ELP2: variants seen among roughly 807,000 people sequenced by gnomAD.
ELP2 encodes elongator acetyltransferase complex subunit 2.
Under a neutral mutation model 119.2 loss-of-function variants are expected in ELP2, and 90 were observed. That is an observed-to-expected ratio of 0.75 (90% CI 0.64 to 0.90). The LOEUF is 0.90. Among genes scored for constraint, ELP2 ranks in the 40% least tolerant of loss-of-function variants. ELP2 has a pLI of 0.00. For synonymous variants in ELP2, 339 were observed against 331.0 expected (o/e 1.02, Z -0.26); for missense variants, 921 against 967.8 (o/e 0.95, Z 0.64).
intron 11 of ELP2, among the ~76,000 whole-genome samples, chr18:36,151,393 G>C (rs985641932): frequency 6.6e-6 from 1 of 152,092 alleles, no homozygotes; most frequent in African/African-American, 2.4e-5. Context: ...CTGCCTTCCA[G>C]CTTTTACCAT....
intron 11 of ELP2, among the ~76,000 whole-genome samples, chr18:36,150,572 G>A (rs1224856323): frequency 6.6e-6 from 1 of 152,184 alleles, no homozygotes. Flanking sequence ...TTGTTGCTGG[G>A]AGCTACTCAG....
intron 11 of ELP2, among the ~76,000 whole-genome samples, chr18:36,147,025 C>T (rs1448423686): frequency 6.6e-6 from 1 of 151,698 alleles, no homozygotes; most frequent in African/African-American, 2.4e-5. Context: ...AGCTATGTGT[C>T]CTTGAGGACA....
At position 36,164,932 on chromosome 18, in the gene ELP2, A is replaced by G. The variant is rs1598822727; in HGVS notation, c.1954+265A>G. 2.2e-5 allele frequency: 10 copies of G among 462,030 alleles called. No individual in the cohort carries two copies. In the East Asian group the frequency reaches 4.2e-4, roughly 19 times the overall value. The allele number at this position is 462,030 out of a possible 1,614,324, so 28.6% of individuals were successfully genotyped here. On this transcript the variant is annotated intron_variant, in intron 18 of 21. Transcript: ENST00000358232. ...CAGATATCTCAGTTCAAGAAACATA[A>G]ACATCTGTATGTAGGAAGTTAGGTT... is the stretch of plus-strand genomic sequence containing the variant.
chr18:36,152,271 A>G (rs1436311217), intron 11 of ELP2, among the ~76,000 whole-genome samples: 1 of 151,716 alleles, frequency 6.6e-6, no homozygotes, highest in Non-Finnish European at 1.5e-5. Context: ...CTTAATAACC[A>G]TCTAAAGATT....
intron 21 of ELP2, among the ~76,000 whole-genome samples, chr18:36,173,075 CA>C (rs1401114110): frequency 5.9e-5 from 9 of 151,896 alleles, no homozygotes; most frequent in Non-Finnish European, 5.9e-5. Flanking sequence ...AGGACATTAC[CA>C]AAAAAAGAAA....
chr18:36,164,581 C>T lies in ELP2; in HGVS notation c.1868C>T (p.Ser623Leu). Residue 623 changes from serine to leucine, a missense_variant, in exon 18 of 22, where the codon TCA becomes TTA. Ser to Leu is a moderately radical substitution (Grantham distance 145). Coordinates refer to ENST00000358232, the MANE Select transcript of ELP2 (RefSeq NM_018255.4). ...HSLTVTQMAF[S>L]PNEKFLLAVS... The stretch of plus-strand genomic sequence containing the variant: ...TTGACAGTCACGCAGATGGCCTTCT[C>T]ACCTAATGAGAAGTTCTTACTAGCT... The T allele has an allele frequency of 6.2e-7, 1 of 1,614,084 alleles. No individual in the cohort carries two copies.
At chr18:36,135,876 A>T (rs2089805346) in intron 2 of ELP2, among the ~76,000 whole-genome samples, 3 of 152,210 alleles carry the variant, frequency 2.0e-5, no homozygotes, top group Non-Finnish European at 4.4e-5. Context: ...TTGATATCCA[A>T]ATGTTGAGTG....
intron 5 of ELP2, among the ~76,000 whole-genome samples, chr18:36,140,149 T>G (rs1363737063): frequency 6.6e-6 from 1 of 151,846 alleles, no homozygotes; most frequent in Non-Finnish European, 1.5e-5. Context: ...TGGATCCCCT[T>G]GCGTAGCTTT....
Position 36,145,020 on chromosome 18 carries a change from C to A in ELP2, c.878C>A (p.Pro293His), listed in dbSNP as rs1370410808. The A allele has an allele frequency of 1.9e-6, 3 of 1,613,594 alleles. No individual in the cohort carries two copies. The Admixed American group carries it at 5.0e-5, about 27-fold the overall frequency. The change falls in exon 9 of 22, where the codon CCT (proline) becomes CAT (histidine). Residue 293 changes from proline (P) to histidine (H), a missense_variant. Transcript: ENST00000358232. ...TGGGTAAATGCAGTTCACTGGCAAC[C>A]TGTGTTTTACAAAGGTAGGAAGAAA... ...ENWVNAVHWQPVFYKDGVLQQ... is the reference protein window; with the variant it reads ...ENWVNAVHWQHVFYKDGVLQQ...
At chr18:36,140,461 T>C (rs2089981279) in intron 5 of ELP2, among the ~76,000 whole-genome samples, 1 of 152,036 alleles carries the variant, frequency 6.6e-6, no homozygotes, top group Non-Finnish European at 1.5e-5. Flanking sequence ...ATTTTCCTGC[T>C]TCAGCCTCCT....
intron 13 of ELP2, among the ~76,000 whole-genome samples, chr18:36,158,027 A>ACGAGCAAGTGTTGGGATAGCAAG (rs1373939986): frequency 6.6e-6 from 1 of 152,168 alleles, no homozygotes. Flanking sequence ...TTGCTCCCAT[A>ACGAGCAAGTGTTGGGATAGCAAG]CTAAGTGTTG....
chr18:36,166,331 T>TG (rs1255997780), intron 18 of ELP2, among the ~76,000 whole-genome samples: 28 of 119,032 alleles, frequency 2.4e-4, no homozygotes, highest in Non-Finnish European at 4.7e-4. Flanking sequence ...TTTTTTTTTT[T>TG]TTTTTTTTTT....
At position 36,174,611 on chromosome 18, in the gene ELP2, G is replaced by T. The variant is rs998417771; in HGVS notation, c.2451G>T (p.Lys817Asn). The T allele has an allele frequency of 6.2e-7, 1 of 1,614,126 alleles. No homozygotes were observed. Among genetic ancestry groups the T allele is most frequent in the East Asian group, 2.2e-5 (1 of 44,872 alleles). ...FASCGEDHTV[K>N]IHRVNKCAL ...GCTGTGGTGAAGATCACACTGTGAA[G>T]ATACACAGAGTCAATAAATGTGCAC... is the stretch of plus-strand genomic sequence containing the variant. Residue 817 changes from lysine (K) to asparagine (N), a missense_variant, in exon 22 of 22, where the codon AAG becomes AAT. Coordinates refer to ENST00000358232, the MANE Select transcript of ELP2 (RefSeq NM_018255.4).
chr18:36,172,886 C>T (rs1031661843), intron 21 of ELP2, among the ~76,000 whole-genome samples: 4 of 152,162 alleles, frequency 2.6e-5, no homozygotes, highest in African/African-American at 9.7e-5. Context: ...TAATGCGTGA[C>T]TTAACATATA....
intron 21 of ELP2, among the ~76,000 whole-genome samples, chr18:36,171,760 A>T (rs1317134026): frequency 6.6e-6 from 1 of 152,188 alleles, no homozygotes; most frequent in Non-Finnish European, 1.5e-5. Flanking sequence ...TCTGTCACCT[A>T]GGCTAGAGTG....
intron 18 of ELP2, 57 bp from the exon 19 acceptor site, chr18:36,167,044 A>G: frequency 2.6e-6 from 4 of 1,539,132 alleles, no homozygotes; most frequent in Non-Finnish European, 3.5e-6. Flanking sequence ...TCACTTCCTA[A>G]CAGGTAAAAA....
chr18:36,129,937 G>C lies in ELP2; in HGVS notation c.4G>C (p.Val2Leu). Residue 2 changes from valine to leucine, a missense_variant, in exon 1 of 22, where the codon GTG becomes CTG. Transcript: ENST00000358232. ...GTGCGGCTGACCAGTTGGCGACATGGTGGCACCCGTGCTGGAGACTTCTCA... is the reference window on the plus strand; with the variant it reads ...GTGCGGCTGACCAGTTGGCGACATGCTGGCACCCGTGCTGGAGACTTCTCA... M[V>L]APVLETSHVF... 1 of 1,614,222 alleles carries C rather than the reference G, an allele frequency of 6.2e-7. No homozygotes were observed. Among genetic ancestry groups the C allele is most frequent in the Non-Finnish European group, 8.5e-7 (1 of 1,180,032 alleles).
chr18:36,153,964 C>G (rs553126562), intron 11 of ELP2, among the ~76,000 whole-genome samples: 1 of 151,716 alleles, frequency 6.6e-6, no homozygotes, highest in Non-Finnish European at 1.5e-5. Flanking sequence ...ACTGTTAGTC[C>G]AAAAGTGCTG....
intron 12 of ELP2, 115 bp from the exon 13 acceptor site, chr18:36,156,351 A>G: frequency 2.0e-6 from 2 of 1,016,058 alleles, no homozygotes; most frequent in East Asian, 5.1e-5. Flanking sequence ...TTCATGGATG[A>G]ATATTTGCCC....
Sources: allele counts gnomAD v4.1 joint callset (sites outside exome capture counted in the v4.1 genomes callset), GRCh38; gene constraint gnomAD v4.1.1; transcripts MANE v1.5; gene names NCBI Gene and HGNC (gene_info 2026-07-23, HGNC 2026-07-21).